Variants in TRHDE observed in about 807,000 individuals in gnomAD.
TRHDE encodes thyrotropin releasing hormone degrading enzyme.
A neutral mutation model predicts 125.7 loss-of-function variants in TRHDE; 72 were observed. The observed-to-expected ratio is 0.57, with a 90% CI of 0.47 to 0.70. The LOEUF (loss-of-function observed/expected upper bound fraction) is 0.70. Among genes scored for constraint, TRHDE ranks in the 30% least tolerant of loss-of-function variants. The pLI is 0.00. For synonymous variants in TRHDE, 509 were observed against 509.1 expected (o/e 1.00, Z 0.00); for missense variants, 1,110 against 1,327.1 (o/e 0.84, Z 2.54).
chr12:72,131,647 A>T (rs1281082398), intron 2 of TRHDE, among the ~76,000 whole-genome samples: 1 of 152,174 alleles, frequency 6.6e-6, no homozygotes, highest in Non-Finnish European at 1.5e-5. Context: ...AATATCGGTT[A>T]TTCAATGGCT....
At chr12:72,533,746 T>C (rs991430258) in intron 6 of TRHDE, among the ~76,000 whole-genome samples, 1 of 150,640 alleles carries the variant, frequency 6.6e-6, no homozygotes, top group Non-Finnish European at 1.5e-5. Flanking sequence ...TTTGCTTTTA[T>C]GTTTTATCCT....
At chr12:72,496,604 G>A (rs1184680221) in intron 5 of TRHDE, among the ~76,000 whole-genome samples, 1 of 152,096 alleles carries the variant, frequency 6.6e-6, no homozygotes, top group African/African-American at 2.4e-5. Flanking sequence ...GATTTGGGTG[G>A]GGACACAGAG....
At chr12:72,246,844 C>A (rs189990207) in intron 2 of TRHDE, among the ~76,000 whole-genome samples, 53 of 152,268 alleles carry the variant, frequency 3.5e-4, no homozygotes, top group Non-Finnish European at 6.2e-4. Context: ...TTTTCTTATT[C>A]CAAACCTCTG....
At chr12:72,492,408 T>C (rs1877723825) in intron 5 of TRHDE, among the ~76,000 whole-genome samples, 1 of 151,940 alleles carries the variant, frequency 6.6e-6, no homozygotes, top group African/African-American at 2.4e-5. Flanking sequence ...AAAGTAAATT[T>C]CTTTCAATGT....
intron 6 of TRHDE, among the ~76,000 whole-genome samples, chr12:72,500,849 C>CTTTTTTTTT (rs11314911): frequency 1.7e-4 from 19 of 109,284 alleles, no homozygotes; most frequent in East Asian, 2.7e-4. Context: ...CAACTTTGTT[C>CTTTTTTTTT]TTTTTTTTTT....
At chr12:72,599,720 T>C (rs191921491) in intron 12 of TRHDE, among the ~76,000 whole-genome samples, 156 of 152,304 alleles carry the variant, frequency 1.0e-3, no homozygotes, top group Admixed American at 8.6e-3. Context: ...TTTAGTTTAA[T>C]AAGGTTTCAC....
rs191536541 is a variant in TRHDE at position 72,532,198 on chromosome 12, G to C, written c.1723-10093G>C. Among the ~76,000 whole-genome samples, 155 of 151,712 alleles carry C rather than the reference G, an allele frequency of 1.0e-3. 1 individual carries two copies. Among genetic ancestry groups the C allele is most frequent in the African/African-American group, 3.7e-3 (152 of 41,494 alleles). ...TATTTGTTTGTACTTTTCCTTTTGA[G>C]AATAAGACTCAATAAATTAATTCCT... On this transcript the variant is annotated intron_variant, in intron 6 of 18. Coordinates refer to ENST00000261180, the MANE Select transcript of TRHDE (RefSeq NM_013381.3).
At chr12:72,303,240 G>T (rs939453114) in intron 2 of TRHDE, 2 of 152,008 alleles carry the variant, frequency 1.3e-5, no homozygotes, top group African/African-American at 4.8e-5. Flanking sequence ...AAACAAAAGG[G>T]GTAAGATATA....
At chr12:72,378,247 A>G (rs1453937783) in intron 3 of TRHDE, 126 bp downstream of exon 3, 1 of 1,001,338 alleles carries the variant, frequency 1.0e-6, no homozygotes, top group Non-Finnish European at 1.4e-6. Context: ...GAAGATAAGC[A>G]CAAAAAAAAA....
intron 2 of TRHDE, among the ~76,000 whole-genome samples, chr12:72,113,860 T>G (rs1405228427): frequency 1.3e-5 from 2 of 152,144 alleles, no homozygotes; most frequent in Non-Finnish European, 2.9e-5. Flanking sequence ...CTATATGACC[T>G]GGGTCCTTTT....
intron 2 of TRHDE, among the ~76,000 whole-genome samples, chr12:72,342,695 A>T (rs2135731708): frequency 6.6e-6 from 1 of 152,200 alleles, no homozygotes; most frequent in Non-Finnish European, 1.5e-5. Context: ...ATATTAGAGG[A>T]AGATGAAGTT....
chr12:72,287,035 AT>A, intron 2 of TRHDE, 81 bp downstream of exon 2: 1 of 1,432,216 alleles, frequency 7.0e-7, no homozygotes, highest in Non-Finnish European at 9.5e-7. Flanking sequence ...ACAGTGAGTC[AT>A]TTCTAACCTT....
At position 72,273,852 on chromosome 12, in the gene TRHDE, A is replaced by G. The variant is rs1400784525; in HGVS notation, c.914+295A>G. On this transcript the variant is annotated intron_variant, in intron 1 of 18. Transcript: ENST00000261180. This position sits in a 1 kb window ranked among gnomAD's most constrained non-coding sequence, Gnocchi z 5.3. ...CAGAGTTCCTTAGCCATCGAAACGCAGGGCTCTTTTTCTGAAGGGTAGCTG... is the reference window on the plus strand; with the variant it reads ...CAGAGTTCCTTAGCCATCGAAACGCGGGGCTCTTTTTCTGAAGGGTAGCTG... 1 of 370,742 alleles carries G rather than the reference A, an allele frequency of 2.7e-6. No individual in the cohort carries two copies. Among genetic ancestry groups the G allele is most frequent in the Non-Finnish European group, 4.9e-6 (1 of 204,434 alleles). The allele number at this position is 370,742 out of a possible 1,614,324, so 23.0% of individuals were successfully genotyped here.
intron 3 of TRHDE, among the ~76,000 whole-genome samples, chr12:72,403,244 G>A (rs1388886032): frequency 1.3e-5 from 2 of 152,190 alleles, no homozygotes; most frequent in East Asian, 1.9e-4. Flanking sequence ...GCACAAAGGA[G>A]GGTCTCTTCC....
intron 9 of TRHDE, among the ~76,000 whole-genome samples, chr12:72,568,337 C>CAGT: frequency 6.6e-6 from 1 of 152,016 alleles, no homozygotes; most frequent in East Asian, 1.9e-4. Context: ...GTTTTGTTGG[C>CAGT]AGTTCTCTTT....
chr12:72,253,401 C>T (rs1592501056), intron 2 of TRHDE: 1 of 152,574 alleles, frequency 6.6e-6, no homozygotes, highest in African/African-American at 2.4e-5. Flanking sequence ...GTGGCTAGAA[C>T]TTGTAGTGCT....
chr12:72,592,436 G>A (rs1286269039), intron 12 of TRHDE, among the ~76,000 whole-genome samples: 1 of 151,790 alleles, frequency 6.6e-6, no homozygotes, highest in Non-Finnish European at 1.5e-5. Flanking sequence ...TCCAACATCT[G>A]GTTTATTTCA....
chr12:72,571,974 A>AACACACACAC (rs59206098), intron 10 of TRHDE, among the ~76,000 whole-genome samples: 8,527 of 127,400 alleles, frequency 0.067, 484 homozygotes, highest in South Asian at 0.083. Context: ...TGACTCTGCA[A>AACACACACAC]ACACACACAC....
chr12:72,114,009 A>G lies in TRHDE; in HGVS notation n.279+8257A>G, dbSNP rs547639165. ...AGATTTTTTTTTCTTTTTTACCAGA[A>G]TCTTCATTGGTTCTGTCAGTCTTTC... On this transcript the variant is annotated intron_variant and non_coding_transcript_variant, in intron 2 of 4. Coordinates refer to the TRHDE transcript ENST00000548156. Among the ~76,000 whole-genome samples the G allele has an allele frequency of 2.6e-5, 4 of 152,044 alleles. No individual in the cohort carries two copies. In the East Asian group the frequency reaches 5.8e-4, roughly 22 times the overall value.
Sources: allele counts gnomAD v4.1 joint callset (sites outside exome capture counted in the v4.1 genomes callset), GRCh38; gene constraint gnomAD v4.1.1; non-coding constraint Gnocchi (gnomAD v3.1); transcripts MANE v1.5; gene names NCBI Gene and HGNC (gene_info 2026-07-23, HGNC 2026-07-21).